ITGB7: variants seen among roughly 807,000 people sequenced by gnomAD.
ITGB7 encodes integrin beta-7.
ITGB7 carries 55 observed loss-of-function variants against 83.4 expected under a neutral mutation model. That is an observed-to-expected ratio of 0.66 (90% CI 0.53 to 0.83). The LOEUF is 0.83. Ranked by LOEUF, ITGB7 falls within the 40% of genes least tolerant of loss-of-function variation. The pLI, the probability that ITGB7 is intolerant of heterozygous loss-of-function variation, is 0.00. For synonymous variants in ITGB7, 454 were observed against 423.6 expected (o/e 1.07, Z -0.88); for missense variants, 921 against 1,046.7 (o/e 0.88, Z 1.66).
At position 53,197,581 on chromosome 12, in the gene ITGB7, G is replaced by A. The variant is rs1193929395; in HGVS notation, c.486C>T (p.Tyr162=). 1 of 1,614,208 alleles carries A rather than the reference G, an allele frequency of 6.2e-7. No individual in the cohort carries two copies. Among genetic ancestry groups the A allele is most frequent in the Non-Finnish European group, 8.5e-7 (1 of 1,180,010 alleles). ...CGCGTTCCAGGTCGTCCTTCATGGA[G>A]TAGCTCAGGTCCATAAGGTAGTACA... ...VDLYYLMDLS[Y]SMKDDLERVR... The change falls in exon 5 of 16, where the codon TAC becomes TAT. Residue 162 remains tyrosine, a synonymous_variant. Transcript: ENST00000267082.
intron 5 of ITGB7, 111 bp downstream of exon 5, chr12:53,197,382 A>G: frequency 1.6e-6 from 2 of 1,277,364 alleles, no homozygotes; most frequent in Non-Finnish European, 2.3e-6. Flanking sequence ...TAGGCCTGTC[A>G]ACAACTGGGA....
intron 3 of ITGB7, 85 bp from the exon 4 acceptor site, chr12:53,198,036 A>G (rs1942227287): frequency 9.4e-7 from 1 of 1,067,376 alleles, no homozygotes; most frequent in Admixed American, 2.3e-5. Context: ...AAACCCGGCC[A>G]CCTCTAATGC....
chr12:53,196,072 C>T lies in ITGB7; in HGVS notation c.944G>A (p.Ser315Asn). 6.2e-7 allele frequency: 1 copy of T among 1,614,160 alleles called. No individual in the cohort carries two copies. The highest frequency in any genetic ancestry group is 8.5e-7 in the Non-Finnish European group (1 of 1,180,020). ...MPSDGHCHLD[S>N]NGLYSRSTEF... is the part of the protein sequence containing the mutation. ...TGTGCTGCGACTGTAGAGGCCATTG[C>T]TGTCCAAGTGGCAGTGCCCATCACT... Residue 315 changes from serine (S) to asparagine (N), a missense_variant, in exon 7 of 16, where the codon AGC (serine) becomes AAC (asparagine). Ser to Asn is a conservative substitution (Grantham distance 46). Transcript: ENST00000267082.
chr12:53,195,312 G>T, intron 9 of ITGB7, 62 bp downstream of exon 9: 1 of 1,211,844 alleles, frequency 8.3e-7, no homozygotes, highest in Non-Finnish European at 1.2e-6. Flanking sequence ...CCCACCCAAG[G>T]GCCCCTTTCC....
rs201607880 is a variant in ITGB7, at chr12:53,191,944, A to G, written c.2231T>C (p.Leu744Pro). 3 of 1,611,360 alleles carry G rather than the reference A, an allele frequency of 1.9e-6. No individual in the cohort carries two copies. The highest frequency in any genetic ancestry group is 2.5e-6 in the Non-Finnish European group (3 of 1,179,918). Residue 744 changes from leucine to proline, a missense_variant, in exon 15 of 16, where the codon CTG becomes CCG. Leu to Pro is a moderately conservative substitution (Grantham distance 98). Transcript: ENST00000267082. ...GIVAVGLGLV[L>P]AYRLSVEIYD... ...GATTTCCACCGAGAGCCGGTAAGCC[A>G]GGACCAGCCCCAGCCCCACTGCCAC...
In ITGB7 at chr12:53,194,189, G is replaced by A. The variant is rs372709220; in HGVS notation, c.1308+9C>T. ...TGCCCGCCTTCTGCCTGTGCTTGCT[G>A]GCTCTCACCGTCTGGTTGATTCGGA... is the stretch of plus-strand genomic sequence containing the variant. On this transcript the variant is annotated intron_variant, in intron 10 of 15. Coordinates refer to ENST00000267082, the MANE Select transcript of ITGB7 (RefSeq NM_000889.3). 1 of 1,613,790 alleles carries A rather than the reference G, an allele frequency of 6.2e-7. No homozygotes were observed. Among genetic ancestry groups the A allele is most frequent in the African/African-American group, 1.3e-5 (1 of 74,836 alleles).
At position 53,203,354 on chromosome 12, in the gene ITGB7, A is replaced by T. The variant is rs2120523610; in HGVS notation, c.-126-2160T>A. ...ATTAATCATTAGGAAAATGCAAATG[A>T]AACCCACAATGATCTGGGTATGGTG... On this transcript the variant is annotated intron_variant, in intron 1 of 15. Coordinates refer to ENST00000267082, the MANE Select transcript of ITGB7 (RefSeq NM_000889.3). Among the ~76,000 whole-genome samples the T allele has an allele frequency of 2.0e-5, 3 of 152,332 alleles. No individual in the cohort carries two copies. The East Asian group carries it at 5.8e-4, about 29-fold the overall frequency.
chr12:53,192,014 C>T lies in ITGB7; in HGVS notation c.2161G>A (p.Ala721Thr), dbSNP rs1476587393. 1 of 1,611,408 alleles carries T rather than the reference C, an allele frequency of 6.2e-7. No individual in the cohort carries two copies. The highest frequency in any genetic ancestry group is 1.1e-5 in the South Asian group (1 of 91,040). The change falls in exon 15 of 16, where the codon GCA (alanine) becomes ACA (threonine). Residue 721 changes from alanine (A) to threonine (T), a missense_variant. Physicochemically the swap from Ala to Thr is moderately conservative, Grantham distance 58. Transcript: ENST00000267082. Reference protein sequence around the residue: ...VLRVRPQEKGADHTQAIVLGC... With the variant: ...VLRVRPQEKGTDHTQAIVLGC... ...AGCACAATGGCCTGCGTGTGGTCTGCTCCCTCTGTGAACAAGAAACCAGAC... is the reference window on the plus strand; with the variant it reads ...AGCACAATGGCCTGCGTGTGGTCTGTTCCCTCTGTGAACAAGAAACCAGAC...
chr12:53,193,221 T>A lies in ITGB7; in HGVS notation c.1645A>T (p.Ser549Cys). 6.2e-7 allele frequency: 1 copy of A among 1,614,144 alleles called. No individual in the cohort carries two copies. The highest frequency in any genetic ancestry group is 8.5e-7 in the Non-Finnish European group (1 of 1,180,020). Residue 549 changes from serine to cysteine, a missense_variant, in exon 12 of 16, where the codon AGC becomes TGC. Transcript: ENST00000267082. ...GKGHCQCGRC[S>C]CSGQSSGHLC... The stretch of plus-strand genomic sequence containing the variant: ...TGCCCAGAGCTCTGTCCACTGCAGC[T>A]GCAGCGTCCACATTGACAGTGACCC...
Position 53,191,641 on chromosome 12 carries a change from A to T in ITGB7, c.2317-5T>A, listed in dbSNP as rs1196323341. 6.2e-7 allele frequency: 1 copy of T among 1,612,072 alleles called. No homozygotes were observed. On this transcript the variant is annotated splice_polypyrimidine_tract_variant and splice_region_variant and intron_variant, in intron 15 of 15. Transcript: ENST00000267082. The stretch of plus-strand genomic sequence containing the variant: ...TTTGTAGAGAGGATTACTGTCCTGG[A>T]GAAAGATGTTGCAGATTATAAGCAA...
chr12:53,193,987 T>G, intron 10 of ITGB7, 86 bp from the exon 11 acceptor site: 2 of 1,391,832 alleles, frequency 1.4e-6, no homozygotes, highest in Non-Finnish European at 2.0e-6. Context: ...ACCTCACCCC[T>G]TAGTAAATGA....
intron 6 of ITGB7, 106 bp downstream of exon 6, chr12:53,196,473 C>G (rs542860109): frequency 1.4e-6 from 2 of 1,402,794 alleles, no homozygotes; most frequent in Non-Finnish European, 1.9e-6. Flanking sequence ...ACTACAGCAA[C>G]TATGGTATGA....
intron 1 of ITGB7, among the ~76,000 whole-genome samples, chr12:53,205,013 C>G (rs889342306): frequency 6.6e-6 from 1 of 151,656 alleles, no homozygotes; most frequent in Non-Finnish European, 1.5e-5. Context: ...TTAGTAGAGA[C>G]AGAGTTTCAC....
Position 53,197,525 on chromosome 12 carries a change from C to T in ITGB7, c.542G>A (p.Arg181Gln). 1 of 1,614,186 alleles carries T rather than the reference C, an allele frequency of 6.2e-7. No homozygotes were observed. Among genetic ancestry groups the T allele is most frequent in the Non-Finnish European group, 8.5e-7 (1 of 1,180,018 alleles). ...VRQLGHALLV[R>Q]LQEVTHSVRI... is the part of the protein sequence containing the mutation. ...CACAGAATGGGTGACTTCCTGCAGC[C>T]GGACCAGCAGAGCGTGCCCGAGCTG... Residue 181 changes from arginine to glutamine, a missense_variant, in exon 5 of 16, where the codon CGG (arginine) becomes CAG (glutamine). Transcript: ENST00000267082.
chr12:53,197,981 C>G (rs1942224830), intron 3 of ITGB7, 30 bp from the exon 4 acceptor site: 1 of 1,521,770 alleles, frequency 6.6e-7, no homozygotes, highest in Non-Finnish European at 8.8e-7. Flanking sequence ...GCGTCGGGAC[C>G]CGGTCCTGCA....
chr12:53,205,680 G>A (rs1256510099), intron 1 of ITGB7, among the ~76,000 whole-genome samples: 1 of 152,034 alleles, frequency 6.6e-6, no homozygotes, highest in African/African-American at 2.4e-5. Flanking sequence ...ACTTGTACTG[G>A]TCCACATTCC....
intron 1 of ITGB7, among the ~76,000 whole-genome samples, chr12:53,206,045 A>G (rs1942436554): frequency 6.6e-6 from 1 of 152,138 alleles, no homozygotes; most frequent in Non-Finnish European, 1.5e-5. Flanking sequence ...GGTTTTTCAG[A>G]GACCTTAGGC....
chr12:53,199,407 C>CCAGT (rs1440996493), intron 3 of ITGB7, among the ~76,000 whole-genome samples: 4 of 152,168 alleles, frequency 2.6e-5, no homozygotes, highest in African/African-American at 9.7e-5. Flanking sequence ...TTCTACCTGT[C>CCAGT]CAGTCATAGG....
chr12:53,195,406 T>A lies in ITGB7; in HGVS notation c.1129A>T (p.Asn377Tyr). 6.2e-7 allele frequency: 1 copy of A among 1,613,832 alleles called. No homozygotes were observed. The highest frequency in any genetic ancestry group is 8.5e-7 in the Non-Finnish European group (1 of 1,179,772). ...AVGELSEDSS[N>Y]VVQLIMDAYN... is the part of the protein sequence containing the mutation. ...GCATCCATGATGAGCTGTACCACGT[T>A]GCTGGAGTCCTCACTCAGCTCCCCA... Residue 377 changes from asparagine (N) to tyrosine (Y), a missense_variant, in exon 9 of 16, where the codon AAC becomes TAC. By Grantham distance (143) the Asn-to-Tyr change is moderately radical. Transcript: ENST00000267082.
Sources: gnomAD v4.1 joint callset for allele counts (sites outside exome capture counted in the v4.1 genomes callset) on GRCh38, gnomAD v4.1.1 for gene constraint, MANE v1.5 for transcripts, NCBI Gene and HGNC (gene_info 2026-07-23, HGNC 2026-07-21) for gene names.